The following PTPRT variants were observed in gnomAD, a reference collection of about 807,000 sequenced individuals.
The protein encoded by PTPRT is receptor-type tyrosine-protein phosphatase T.
A neutral mutation model predicts 176.8 loss-of-function variants in PTPRT; 56 were observed. The ratio of observed to expected loss-of-function variants is 0.32; its 90% CI spans 0.26 to 0.40. The LOEUF (loss-of-function observed/expected upper bound fraction) is 0.40, where lower values mean the gene tolerates loss of function less well. Among genes scored for constraint, PTPRT ranks in the 10% least tolerant of loss-of-function variants. The pLI, the probability that PTPRT is intolerant of heterozygous loss-of-function variation, is 1.00. For synonymous variants in PTPRT, 783 were observed against 739.0 expected, an observed-to-expected ratio of 1.06 and a Z score of -0.96; for missense variants, 1,540 against 1,908.2, an observed-to-expected ratio of 0.81 and a Z score of 3.60.
intron 1 of PTPRT, among the ~76,000 whole-genome samples, chr20:42,982,320 G>C (rs1448597463): frequency 1.3e-5 from 2 of 152,198 alleles, no homozygotes; most frequent in African/African-American, 2.4e-5. Flanking sequence ...AGAGCTCACT[G>C]TGCATGTGGG....
intron 1 of PTPRT, among the ~76,000 whole-genome samples, chr20:42,945,838 C>T (rs1204235064): frequency 2.0e-5 from 3 of 152,006 alleles, no homozygotes; most frequent in South Asian, 2.1e-4. Flanking sequence ...CTTTCATCAC[C>T]GCCAGAGAAG....
At chr20:42,691,861 C>A (rs1273544787) in intron 6 of PTPRT, among the ~76,000 whole-genome samples, 1 of 152,196 alleles carries the variant, frequency 6.6e-6, no homozygotes, top group Non-Finnish European at 1.5e-5. Context: ...CCACAGGTCA[C>A]TGCCTCTAGG....
chr20:42,627,075 G>A (rs2074303551), intron 7 of PTPRT, among the ~76,000 whole-genome samples: 1 of 152,152 alleles, frequency 6.6e-6, no homozygotes, highest in Admixed American at 6.6e-5. Flanking sequence ...ACTGCTGAAA[G>A]CAATGCCCGG....
At chr20:42,134,239 G>A (rs1988267875) in intron 18 of PTPRT, among the ~76,000 whole-genome samples, 2 of 152,186 alleles carry the variant, frequency 1.3e-5, no homozygotes, top group Admixed American at 6.5e-5. Context: ...ATGTGAAGGC[G>A]TTTATACGAG....
At chr20:42,623,146 C>T (rs538473315) in intron 7 of PTPRT, among the ~76,000 whole-genome samples, 33 of 152,356 alleles carry the variant, frequency 2.2e-4, no homozygotes, top group Non-Finnish European at 4.4e-4. Context: ...TCTTTAAGTC[C>T]ATGTGCAGCC....
chr20:42,832,454 C>T (rs2078105437), intron 2 of PTPRT, among the ~76,000 whole-genome samples: 2 of 151,866 alleles, frequency 1.3e-5, no homozygotes, highest in Non-Finnish European at 2.9e-5. Context: ...AACCCCACAA[C>T]ACGAATCTTC....
intron 9 of PTPRT, among the ~76,000 whole-genome samples, chr20:42,410,926 G>A (rs562643190): frequency 1.3e-5 from 2 of 152,152 alleles, no homozygotes; most frequent in African/African-American, 4.8e-5. Context: ...TACAGCTAAA[G>A]TAGTACTTAG....
chr20:42,768,582 A>C (rs1158000004), intron 5 of PTPRT, among the ~76,000 whole-genome samples: 3 of 152,208 alleles, frequency 2.0e-5, no homozygotes, highest in Non-Finnish European at 2.9e-5. Context: ...TTATTCCACT[A>C]GTGGCTACAA....
intron 1 of PTPRT, among the ~76,000 whole-genome samples, chr20:43,162,034 C>T (rs976688220): frequency 6.6e-6 from 1 of 152,160 alleles, no homozygotes; most frequent in Non-Finnish European, 1.5e-5. Flanking sequence ...TATGGTGATT[C>T]CTGTTTTCGA....
chr20:42,680,215 CAG>C (rs1388350529), intron 6 of PTPRT, among the ~76,000 whole-genome samples: 1 of 152,056 alleles, frequency 6.6e-6, no homozygotes, highest in African/African-American at 2.4e-5. Flanking sequence ...TGCTATGAAA[CAG>C]GGGTGGACAA....
Position 42,875,558 on chromosome 20 carries a change from G to A in PTPRT, c.214+10249C>T, listed in dbSNP as rs146571027. ...TTGTCTTTTATTTGGGCACACAGAAGGCATTCTGGCATTTCTTTCTTCTCC... is the reference window on the plus strand; with the variant it reads ...TTGTCTTTTATTTGGGCACACAGAAAGCATTCTGGCATTTCTTTCTTCTCC... On this transcript the variant is annotated intron_variant, in intron 2 of 30. Coordinates refer to ENST00000373187, the MANE Select transcript of PTPRT (RefSeq NM_007050.6). 4.6e-4 allele frequency among the ~76,000 whole-genome samples: 70 copies of A among 152,322 alleles called. 2 individuals are homozygous for A. The highest frequency in any genetic ancestry group is 1.6e-3 in the African/African-American group (66 of 41,570).
chr20:42,053,312 T>C, the PTPRT span, among the ~76,000 whole-genome samples: 2 of 152,200 alleles, frequency 1.3e-5, no homozygotes, highest in Admixed American at 1.3e-4. Flanking sequence ...GGTCATCTCC[T>C]TTTACTGATG....
intron 2 of PTPRT, among the ~76,000 whole-genome samples, chr20:42,842,388 A>G (rs757003187): frequency 6.6e-6 from 1 of 152,194 alleles, no homozygotes; most frequent in Non-Finnish European, 1.5e-5. Flanking sequence ...TCAGACTGCT[A>G]TAACAAAATG....
chr20:42,241,146 A>G (rs1422295353), intron 14 of PTPRT, among the ~76,000 whole-genome samples: 2 of 152,156 alleles, frequency 1.3e-5, no homozygotes, highest in African/African-American at 4.8e-5. Context: ...ATTAATAGCT[A>G]TTACATTGTA....
intron 7 of PTPRT, among the ~76,000 whole-genome samples, chr20:42,639,582 C>A (rs753051815): frequency 1.6e-4 from 24 of 152,090 alleles, no homozygotes; most frequent in Admixed American, 6.5e-5. Flanking sequence ...CAGCCTACAG[C>A]ATTTCACTAA....
intron 13 of PTPRT, among the ~76,000 whole-genome samples, chr20:42,263,107 A>G (rs963249941): frequency 6.6e-6 from 1 of 152,158 alleles, no homozygotes; most frequent in African/African-American, 2.4e-5. Context: ...TGGAGAGATA[A>G]AAAAGGGATA....
intron 9 of PTPRT, among the ~76,000 whole-genome samples, chr20:42,393,212 A>G (rs1424617798): frequency 2.0e-5 from 3 of 152,112 alleles, no homozygotes; most frequent in Admixed American, 2.0e-4. Flanking sequence ...ATATCCTCCT[A>G]CTTCTGCTGT....
chr20:42,770,654 C>T (rs775052535), intron 5 of PTPRT, among the ~76,000 whole-genome samples: 10 of 152,038 alleles, frequency 6.6e-5, no homozygotes, highest in Non-Finnish European at 1.0e-4. Flanking sequence ...CCATAAAAAG[C>T]GACTCTCTAA....
At chr20:42,895,378 C>A (rs1246422226) in intron 1 of PTPRT, among the ~76,000 whole-genome samples, 1 of 152,200 alleles carries the variant, frequency 6.6e-6, no homozygotes, top group Admixed American at 6.5e-5. Context: ...CATATAACCT[C>A]ATTTAACCTT....
Sources: gnomAD v4.1 joint callset for allele counts (sites outside exome capture counted in the v4.1 genomes callset) on GRCh38, gnomAD v4.1.1 for gene constraint, MANE v1.5 for transcripts, NCBI Gene and HGNC (gene_info 2026-07-23, HGNC 2026-07-21) for gene names.